CNPY3: variants seen among roughly 807,000 people sequenced by gnomAD.
CNPY3 encodes the protein protein canopy homolog 3.
Under a neutral mutation model 32.0 loss-of-function variants are expected in CNPY3, and 20 were observed. The ratio of observed to expected loss-of-function variants is 0.63; its 90% confidence interval spans 0.44 to 0.91. CNPY3 has a LOEUF of 0.91. Ranked by LOEUF, CNPY3 falls within the 40% of genes least tolerant of loss-of-function variation. CNPY3 has a pLI of 0.00. For synonymous variants in CNPY3, 138 were observed against 142.9 expected (o/e 0.97, Z 0.24); for missense variants, 299 against 340.8 (o/e 0.88, Z 0.97).
At chr6:42,932,568 A>G (rs1160460561) in intron 1 of CNPY3, among the ~76,000 whole-genome samples, 1 of 152,054 alleles carries the variant, frequency 6.6e-6, no homozygotes, top group Non-Finnish European at 1.5e-5. Flanking sequence ...ATGAGAGAGA[A>G]AGGATGTTCC....
In CNPY3 at chr6:42,931,287, C is replaced by T. The variant is rs1476569483; in HGVS notation, c.151+1566C>T. ...TATTGCCCAGGCTGGAATGCAGTGG[C>T]GCGATCTTGGCTCACCGCAACCTCC... On this transcript the variant is annotated intron_variant, in intron 1 of 5. Transcript: ENST00000372836. 4.0e-5 allele frequency among the ~76,000 whole-genome samples: 6 copies of T among 149,280 alleles called. No homozygotes were observed. The South Asian group carries it at 1.1e-3, about 26-fold the overall frequency.
At chr6:42,931,641 G>A (rs990722849) in intron 1 of CNPY3, among the ~76,000 whole-genome samples, 3 of 150,880 alleles carry the variant, frequency 2.0e-5, no homozygotes, top group East Asian at 2.0e-4. Context: ...GATTACAGGC[G>A]TGAGCCACTG....
At chr6:42,936,276 T>C (rs1179771547) in intron 3 of CNPY3, among the ~76,000 whole-genome samples, 2 of 152,160 alleles carry the variant, frequency 1.3e-5, no homozygotes, top group African/African-American at 4.8e-5. Context: ...ATTCATAAAC[T>C]CCTGGGATAC....
chr6:42,933,319 A>T (rs1016685497), intron 1 of CNPY3, among the ~76,000 whole-genome samples: 1 of 152,210 alleles, frequency 6.6e-6, no homozygotes, highest in Non-Finnish European at 1.5e-5. Context: ...TATCTGCTGC[A>T]TTAGACTGAG....
intron 1 of CNPY3, among the ~76,000 whole-genome samples, chr6:42,933,910 C>G (rs1422616952): frequency 6.6e-6 from 1 of 152,184 alleles, no homozygotes; most frequent in African/African-American, 2.4e-5. Context: ...GTGGCTCACG[C>G]CTGTAATCCC....
chr6:42,933,216 G>C (rs564958819), intron 1 of CNPY3, among the ~76,000 whole-genome samples: 1 of 149,300 alleles, frequency 6.7e-6, no homozygotes, highest in Non-Finnish European at 1.5e-5. Flanking sequence ...CCCTTAGAAG[G>C]CATTAAGTAT....
chr6:42,938,337 T>C (rs988603350), intron 5 of CNPY3, 130 bp downstream of exon 5: 1 of 836,552 alleles, frequency 1.2e-6, no homozygotes, highest in Non-Finnish European at 2.0e-6. Context: ...AAAGGCTTGA[T>C]TGGCAAGACA....
At chr6:42,937,527 G>C (rs995087885) in intron 3 of CNPY3, among the ~76,000 whole-genome samples, 190 bp from the exon 4 acceptor site, 24 of 152,056 alleles carry the variant, frequency 1.6e-4, no homozygotes, top group Non-Finnish European at 1.3e-4. Context: ...CTGGGAGGCA[G>C]AGGTTGCAGT....
In CNPY3 at chr6:42,937,811, C is replaced by T. The variant is rs1383520143; in HGVS notation, c.467C>T (p.Ser156Phe). 1 of 1,614,132 alleles carries T rather than the reference C, an allele frequency of 6.2e-7. No homozygotes were observed. Among genetic ancestry groups the T allele is most frequent in the South Asian group, 1.1e-5 (1 of 91,078 alleles). Residue 156 changes from serine (S) to phenylalanine (F), a missense_variant, in exon 4 of 6, where the codon TCT becomes TTT. Coordinates refer to ENST00000372836, the MANE Select transcript of CNPY3 (RefSeq NM_006586.5). Reference sequence around the variant, plus strand: ...CCCTATGAGCTGTGGAACGAGACTTCTGCAGAGGTGGCTGACCTCAAGAAG... The same window carrying T: ...CCCTATGAGCTGTGGAACGAGACTTTTGCAGAGGTGGCTGACCTCAAGAAG... ...DIPYELWNET[S>F]AEVADLKKQC...
chr6:42,937,464 C>G (rs780191309), intron 3 of CNPY3, among the ~76,000 whole-genome samples: 1 of 152,018 alleles, frequency 6.6e-6, no homozygotes, highest in South Asian at 2.1e-4. Flanking sequence ...TATGGTGGCA[C>G]GCCTTTGTAG....
intron 1 of CNPY3, among the ~76,000 whole-genome samples, chr6:42,931,289 C>T (rs1198376729): frequency 2.0e-5 from 3 of 149,426 alleles, no homozygotes; most frequent in African/African-American, 5.0e-5. Context: ...TGCAGTGGCG[C>T]GATCTTGGCT....
At chr6:42,932,730 T>TC (rs1767923891) in intron 1 of CNPY3, among the ~76,000 whole-genome samples, 1 of 152,132 alleles carries the variant, frequency 6.6e-6, no homozygotes, top group African/African-American at 2.4e-5. Flanking sequence ...ACATCCCCAG[T>TC]TCATTGCAGA....
chr6:42,928,405 A>G (rs1481895575), upstream of CNPY3, among the ~76,000 whole-genome samples: 3 of 151,994 alleles, frequency 2.0e-5, no homozygotes, highest in Non-Finnish European at 2.9e-5. Context: ...TGGCCTCCCA[A>G]AGTGCTGGGA....
In CNPY3 at chr6:42,939,144, C is replaced by T. The variant is rs1768439792; in HGVS notation, c.*353C>T. 9.2e-7 allele frequency: 1 copy of T among 1,083,460 alleles called. No individual in the cohort carries two copies. The highest frequency in any genetic ancestry group is 1.1e-6 in the Non-Finnish European group (1 of 892,292). 67.1% of individuals were successfully genotyped at this position (1,083,460 alleles called of 1,614,324 possible). The stretch of plus-strand genomic sequence containing the variant: ...CAAACTCACCATCCCTCAGTCCTCC[C>T]CAACAGGGTACTAGGACTGCAGCCC... On this transcript the variant is annotated 3_prime_UTR_variant, in exon 6 of 6. Coordinates refer to ENST00000372836, the MANE Select transcript of CNPY3 (RefSeq NM_006586.5).
intron 2 of CNPY3, chr6:42,935,350 CT>C: frequency 1.2e-6 from 1 of 862,200 alleles, no homozygotes; most frequent in Non-Finnish European, 1.4e-6. Flanking sequence ...AATCATTTAG[CT>C]TTATAAAAAA....
chr6:42,929,647 C>G lies in CNPY3; in HGVS notation c.77C>G (p.Pro26Arg), dbSNP rs1393473002. Reference protein sequence around the residue: ...PLLLLLLLLLPAPELGPSQAG... With the variant: ...PLLLLLLLLLRAPELGPSQAG... ...CTGCTGCTGCTGCTGCTGCTGCTGC[C>G]GGCCCCGGAGCTGGGCCCGAGCCAG... The change falls in exon 1 of 6, where the codon CCG becomes CGG. Residue 26 changes from proline to arginine, a missense_variant. By Grantham distance (103) the Pro-to-Arg change is moderately radical. Transcript: ENST00000372836. 1.3e-6 allele frequency: 2 copies of G among 1,553,620 alleles called. No individual in the cohort carries two copies. The highest frequency in any genetic ancestry group is 8.7e-7 in the Non-Finnish European group (1 of 1,149,418).
At position 42,938,831 on chromosome 6, in the gene CNPY3, A is replaced by G; in HGVS notation, c.*40A>G. 6.6e-7 allele frequency: 1 copy of G among 1,524,250 alleles called. No homozygotes were observed. Among genetic ancestry groups the G allele is most frequent in the Non-Finnish European group, 8.8e-7 (1 of 1,131,302 alleles). The allele number at this position is 1,524,250 out of a possible 1,614,324, so 94.4% of individuals were successfully genotyped here. On this transcript the variant is annotated 3_prime_UTR_variant, in exon 6 of 6. Coordinates refer to ENST00000372836, the MANE Select transcript of CNPY3 (RefSeq NM_006586.5). ...CTCTGTCCTGAGACCCCTGATTTTG[A>G]AGCTGAGGAGTCAGGGGCATGGCTC...
chr6:42,935,610 C>G lies in CNPY3; in HGVS notation c.312C>G (p.Cys104Trp). Residue 104 changes from cysteine to tryptophan, a missense_variant, in exon 3 of 6, where the codon TGC becomes TGG. Cys to Trp is a radical substitution (Grantham distance 215). Coordinates refer to ENST00000372836, the MANE Select transcript of CNPY3 (RefSeq NM_006586.5). ...LRLIEVTETI[C>W]KRLLDYSLHK... ...TAATCGAAGTCACTGAGACCATTTG[C>G]AAGAGGCTCCTGGATTATAGCCTGC... is the stretch of plus-strand genomic sequence containing the variant. 1 of 1,612,050 alleles carries G rather than the reference C, an allele frequency of 6.2e-7. No homozygotes were observed.
chr6:42,937,322 G>T (rs573407515), intron 3 of CNPY3, among the ~76,000 whole-genome samples: 1 of 152,262 alleles, frequency 6.6e-6, no homozygotes, highest in Admixed American at 6.5e-5. Flanking sequence ...CAAGGATGAG[G>T]CCAGGTGCGG....
Sources: allele counts gnomAD v4.1 joint callset (sites outside exome capture counted in the v4.1 genomes callset), GRCh38; gene constraint gnomAD v4.1.1; transcripts MANE v1.5; gene names NCBI Gene and HGNC (gene_info 2026-07-23, HGNC 2026-07-21).